The following TBL3 variants were observed in gnomAD, a reference collection of about 807,000 sequenced individuals.
The protein encoded by TBL3 is transducin beta-like protein 3.
In TBL3, 71 loss-of-function variants were observed where a neutral mutation model predicts 102.7. The ratio of observed to expected loss-of-function variants is 0.69; its 90% confidence interval spans 0.57 to 0.84. The LOEUF (loss-of-function observed/expected upper bound fraction) is 0.84. TBL3 is among the 40% of genes least tolerant of loss of function. TBL3 has a pLI of 0.00. For synonymous variants in TBL3, 578 were observed against 477.7 expected, an observed-to-expected ratio of 1.21 and a Z score of -2.74; for missense variants, 1,188 against 1,098.5, an observed-to-expected ratio of 1.08 and a Z score of -1.15.
chr16:1,981,431 A>G lies in TBL3; in HGVS notation c.*2746A>G. ...CCAGGCAGAGCTGCTGGGAGGAAGAAGAAGAATGAGCTTTCCAGCCCTGGA... is the reference window on the plus strand; with the variant it reads ...CCAGGCAGAGCTGCTGGGAGGAAGAGGAAGAATGAGCTTTCCAGCCCTGGA... On this transcript the variant is annotated 3_prime_UTR_variant, in exon 22 of 22. Transcript: ENST00000568546. 1.1e-6 allele frequency: 1 copy of G among 900,634 alleles called. No homozygotes were observed. Among genetic ancestry groups the G allele is most frequent in the Non-Finnish European group, 1.6e-6 (1 of 621,670 alleles). The allele number at this position is 900,634 out of a possible 1,614,324, so 55.8% of individuals were successfully genotyped here. A position where few individuals can be genotyped will look rare whatever the true frequency, so the allele number is the denominator to read the frequency against.
chr16:1,974,452 C>T (rs376213646), intron 4 of TBL3, 29 bp downstream of exon 4: 34 of 1,594,110 alleles, frequency 2.1e-5, no homozygotes, highest in South Asian at 7.9e-5. Flanking sequence ...GGAGGGGACC[C>T]GCTCCAGCGC....
In TBL3 at chr16:1,978,077, G is replaced by A. The variant is rs199695943; in HGVS notation, c.2062+16G>A. 6.2e-4 allele frequency: 992 copies of A among 1,603,830 alleles called. 8 individuals carry two copies. The East Asian group carries it at 7.2e-3, about 12-fold the overall frequency. On this transcript the variant is annotated intron_variant, in intron 19 of 21. Coordinates refer to ENST00000568546, the MANE Select transcript of TBL3 (RefSeq NM_006453.3). ...GTCATCCAGGGTCAGTGCCCACCCCGGGGGGCGAGGGGCTGGGTCTTCGGA... is the reference window on the plus strand; with the variant it reads ...GTCATCCAGGGTCAGTGCCCACCCCAGGGGGCGAGGGGCTGGGTCTTCGGA...
At position 1,975,884 on chromosome 16, in the gene TBL3, A is replaced by C; in HGVS notation, c.1064A>C (p.Asn355Thr). The stretch of plus-strand genomic sequence containing the variant: ...GACTCCCACGTTGTCGTGGCCTCCA[A>C]TAGCCCCTGCCTAAAAGTGTTTGAG... The part of the protein sequence containing the change: ...PEDSHVVVAS[N>T]SPCLKVFELQ... The change falls in exon 11 of 22, where the codon AAT (asparagine) becomes ACT (threonine). Residue 355 changes from asparagine (N) to threonine (T), a missense_variant. Asn to Thr is a moderately conservative substitution (Grantham distance 65). Transcript: ENST00000568546. The C allele has an allele frequency of 6.2e-7, 1 of 1,614,110 alleles. No individual in the cohort carries two copies. Among genetic ancestry groups the C allele is most frequent in the Non-Finnish European group, 8.5e-7 (1 of 1,180,034 alleles).
chr16:1,980,979 G>C lies in TBL3; in HGVS notation c.*2294G>C, dbSNP rs1350567157. ...TTCGTCCCAACTCCTGCGCACGAAGGTGTCGCTGCCGTCTGACCAGCGCAC... is the reference window on the plus strand; with the variant it reads ...TTCGTCCCAACTCCTGCGCACGAAGCTGTCGCTGCCGTCTGACCAGCGCAC... On this transcript the variant is annotated 3_prime_UTR_variant, in exon 22 of 22. Transcript: ENST00000568546. 4 of 1,613,132 alleles carry C rather than the reference G, an allele frequency of 2.5e-6. No individual in the cohort carries two copies. Among genetic ancestry groups the C allele is most frequent in the Non-Finnish European group, 3.4e-6 (4 of 1,180,034 alleles).
At position 1,974,628 on chromosome 16, in the gene TBL3, G is replaced by A. The variant is rs1350590467; in HGVS notation, c.328G>A (p.Ala110Thr). Residue 110 changes from alanine (A) to threonine (T), a missense_variant, in exon 5 of 22, where the codon GCC becomes ACC. Coordinates refer to ENST00000568546, the MANE Select transcript of TBL3 (RefSeq NM_006453.3). ...CCGCCTGTGGAAGGCGATACACACG[G>A]CCCCCGTGGCCACCATGGCCTTCGA... ...VTRLWKAIHT[A>T]PVATMAFDPT... 5 of 1,609,986 alleles carry A rather than the reference G, an allele frequency of 3.1e-6. No individual in the cohort carries two copies. The highest frequency in any genetic ancestry group is 4.2e-6 in the Non-Finnish European group (5 of 1,177,474).
Position 1,978,805 on chromosome 16 carries a change from C to G in TBL3, c.*120C>G, listed in dbSNP as rs1024707380. On this transcript the variant is annotated 3_prime_UTR_variant, in exon 22 of 22. Transcript: ENST00000568546. ...CCCCCCACCCTGGCCAACACCCTACCTAGCCAGCCAGAAGGGCACTGGAGC... is the reference window on the plus strand; with the variant it reads ...CCCCCCACCCTGGCCAACACCCTACGTAGCCAGCCAGAAGGGCACTGGAGC... 1.4e-5 allele frequency: 19 copies of G among 1,353,490 alleles called. No individual in the cohort carries two copies. In the Admixed American group the frequency reaches 3.3e-4, roughly 23 times the overall value. 83.8% of individuals were successfully genotyped at this position (1,353,490 alleles called of 1,614,324 possible).
In TBL3 at chr16:1,974,843, G is replaced by C. The variant is rs766173200; in HGVS notation, c.460G>C (p.Val154Leu). The C allele has an allele frequency of 3.1e-6, 5 of 1,613,136 alleles. No individual in the cohort carries two copies. The East Asian group carries it at 6.7e-5, about 22-fold the overall frequency. Residue 154 changes from valine (V) to leucine (L), a missense_variant, in exon 6 of 22, where the codon GTG (valine) becomes CTG (leucine). Physicochemically the swap from Val to Leu is conservative, Grantham distance 32. Transcript: ENST00000568546. ...CCACTTCCGAGGCTCGCCCGGTGTC[G>C]TGCAGTGAGTTGGAAGGTGGAGGGG... is the stretch of plus-strand genomic sequence containing the variant. Reference protein sequence around the residue: ...THHFRGSPGVVHLVAFHPDPT... With the variant: ...THHFRGSPGVLHLVAFHPDPT...
chr16:1,978,499 G>A (rs1263770419), intron 21 of TBL3, 28 bp downstream of exon 21: 2 of 1,589,362 alleles, frequency 1.3e-6, no homozygotes, highest in Non-Finnish European at 1.7e-6. Flanking sequence ...GGGGTTGGGG[G>A]ATCCTGGTGG....
At position 1,977,210 on chromosome 16, in the gene TBL3, G is replaced by T. The variant is rs370941334; in HGVS notation, c.1597G>T (p.Asp533Tyr). 1 of 1,613,182 alleles carries T rather than the reference G, an allele frequency of 6.2e-7. No homozygotes were observed. The highest frequency in any genetic ancestry group is 1.3e-5 in the African/African-American group (1 of 75,022). ...CTGGTGCGTCCAGTTCTCTCCCATG[G>T]ACCAGGTGCTGGCCACGGCCTCAGC... ...GLWCVQFSPMDQVLATASADG... is the reference protein window; with the variant it reads ...GLWCVQFSPMYQVLATASADG... The change falls in exon 15 of 22, where the codon GAC (aspartate) becomes TAC (tyrosine). Residue 533 changes from aspartate (D) to tyrosine (Y), a missense_variant. Transcript: ENST00000568546.
At chr16:1,977,470 G>A (rs1427380422) in intron 16 of TBL3, 44 bp downstream of exon 16, 2 of 1,609,022 alleles carry the variant, frequency 1.2e-6, no homozygotes, top group East Asian at 4.5e-5. Context: ...GGGGGTGGCG[G>A]GGGGACCTGC....
rs1406410062 is a variant in TBL3, at chr16:1,974,846, C to A, written c.463C>A (p.His155Asn). 1.2e-6 allele frequency: 2 copies of A among 1,613,208 alleles called. No individual in the cohort carries two copies. Among genetic ancestry groups the A allele is most frequent in the South Asian group, 2.2e-5 (2 of 91,080 alleles). Reference protein sequence around the residue: ...HHFRGSPGVVHLVAFHPDPTR... With the variant: ...HHFRGSPGVVNLVAFHPDPTR... ...CTTCCGAGGCTCGCCCGGTGTCGTGCAGTGAGTTGGAAGGTGGAGGGGGAG... is the reference window on the plus strand; with the variant it reads ...CTTCCGAGGCTCGCCCGGTGTCGTGAAGTGAGTTGGAAGGTGGAGGGGGAG... The change falls in exon 6 of 22, where the codon CAC becomes AAC. Residue 155 changes from histidine to asparagine, a missense_variant and splice_region_variant. By Grantham distance (68) the His-to-Asn change is moderately conservative. Coordinates refer to ENST00000568546, the MANE Select transcript of TBL3 (RefSeq NM_006453.3).
At chr16:1,976,716 G>T in intron 13 of TBL3, 98 bp from the exon 14 acceptor site, 1 of 1,478,792 alleles carries the variant, frequency 6.8e-7, no homozygotes, top group South Asian at 1.2e-5. Context: ...CAGGCCCCGT[G>T]GTCTGGACCG....
chr16:1,974,059 T>C lies in TBL3; in HGVS notation c.45T>C (p.Tyr15=). The change falls in exon 2 of 22, where the codon TAT becomes TAC. Residue 15 remains tyrosine (Y), a synonymous_variant. Coordinates refer to ENST00000568546, the MANE Select transcript of TBL3 (RefSeq NM_006453.3). ...AAGVGRFKTN[Y]AVERKIEPFY... Reference sequence around the variant, plus strand: ...TCGCCTCCCGCTCTCCTTCCAGCTATGCTGTGGAGCGCAAAATTGAGCCTT... The same window carrying C: ...TCGCCTCCCGCTCTCCTTCCAGCTACGCTGTGGAGCGCAAAATTGAGCCTT... The C allele has an allele frequency of 6.4e-7, 1 of 1,572,214 alleles. No individual in the cohort carries two copies. The highest frequency in any genetic ancestry group is 8.7e-7 in the Non-Finnish European group (1 of 1,152,634).
Position 1,979,511 on chromosome 16 carries a change from C to G in TBL3, c.*826C>G, listed in dbSNP as rs201968733. 4 of 1,611,492 alleles carry G rather than the reference C, an allele frequency of 2.5e-6. No individual in the cohort carries two copies. In the African/African-American group the frequency reaches 5.3e-5, roughly 22 times the overall value. On this transcript the variant is annotated 3_prime_UTR_variant, in exon 22 of 22. Coordinates refer to ENST00000568546, the MANE Select transcript of TBL3 (RefSeq NM_006453.3). ...CGGACAGCTCATCTGCGCGGCTGCTCTCGTAGGCGCGGGAAGCACAGAACT... is the reference window on the plus strand; with the variant it reads ...CGGACAGCTCATCTGCGCGGCTGCTGTCGTAGGCGCGGGAAGCACAGAACT...
rs754757159 is a variant in TBL3 at position 1,974,239 on chromosome 16, A to G, written c.136A>G (p.Arg46Gly). 2.5e-6 allele frequency: 4 copies of G among 1,604,240 alleles called. No homozygotes were observed. The South Asian group carries it at 3.3e-5, about 13-fold the overall frequency. Residue 46 changes from arginine (R) to glycine (G), a missense_variant, in exon 3 of 22, where the codon AGA (arginine) becomes GGA (glycine). Arg to Gly is a moderately radical substitution (Grantham distance 125). Coordinates refer to ENST00000568546, the MANE Select transcript of TBL3 (RefSeq NM_006453.3). ...GQHLFCVCGT[R>G]VNILEVASGA... Reference sequence around the variant, plus strand: ...GCACCTCTTCTGCGTCTGTGGCACCAGAGTCAACATTCTGGAAGTGGCCTC... The same window carrying G: ...GCACCTCTTCTGCGTCTGTGGCACCGGAGTCAACATTCTGGAAGTGGCCTC...
intron 1 of TBL3, 119 bp downstream of exon 1, chr16:1,972,324 C>T: frequency 8.9e-7 from 1 of 1,127,460 alleles, no homozygotes; most frequent in South Asian, 2.9e-5. Context: ...TGTGTGTGCG[C>T]CGGCCCGCGG....
Position 1,974,916 on chromosome 16 carries a change from G to T in TBL3, c.465-12G>T. The T allele has an allele frequency of 6.2e-7, 1 of 1,612,088 alleles. No individual in the cohort carries two copies. On this transcript the variant is annotated splice_polypyrimidine_tract_variant and intron_variant, in intron 6 of 21. Transcript: ENST00000568546. ...CTGCACAGCTCACCCATCCTGTCCC[G>T]TCCGCCCACAGCCTAGTGGCCTTCC...
Position 1,975,891 on chromosome 16 carries a change from C to A in TBL3, c.1071C>A (p.Pro357=), listed in dbSNP as rs752732157. ...ACGTTGTCGTGGCCTCCAATAGCCC[C>A]TGCCTAAAAGTGTTTGAGCTGCAGA... is the stretch of plus-strand genomic sequence containing the variant. The part of the protein sequence containing the change: ...DSHVVVASNS[P]CLKVFELQTS... Residue 357 remains proline (P), a synonymous_variant, in exon 11 of 22, where the codon CCC becomes CCA. Transcript: ENST00000568546. The A allele has an allele frequency of 6.2e-7, 1 of 1,614,048 alleles. No individual in the cohort carries two copies. Among genetic ancestry groups the A allele is most frequent in the Non-Finnish European group, 8.5e-7 (1 of 1,180,050 alleles).
chr16:1,977,418 G>A lies in TBL3; in HGVS notation c.1734G>A (p.Leu578=). Residue 578 remains leucine (L), a synonymous_variant, in exon 16 of 22, where the codon CTG becomes CTA. Transcript: ENST00000568546. ...CCTTTGTGAGCCGTGGCACGCAGCT[G>A]CTGTCCAGGTGAGTGGGCTGGGGTG... ...KVAFVSRGTQ[L]LSSGSDGLVK... is the part of the protein sequence containing the mutation. 6.2e-7 allele frequency: 1 copy of A among 1,612,840 alleles called. No homozygotes were observed. The highest frequency in any genetic ancestry group is 2.2e-5 in the East Asian group (1 of 44,866).
Sources: gnomAD v4.1 joint callset for allele counts on GRCh38, gnomAD v4.1.1 for gene constraint, MANE v1.5 for transcripts, NCBI Gene and HGNC (gene_info 2026-07-23, HGNC 2026-07-21) for gene names.